The following MAFG variants were observed in gnomAD, a reference collection of about 807,000 sequenced individuals.
MAFG encodes the protein MAF bZIP transcription factor G, also known as transcription factor MafG.
In MAFG, 3 loss-of-function variants were observed where a neutral mutation model predicts 12.2. That is an observed-to-expected ratio of 0.25 (90% confidence interval 0.11 to 0.64). The LOEUF (loss-of-function observed/expected upper bound fraction) is 0.64, where lower values mean the gene tolerates loss of function less well. Among genes scored for constraint, MAFG ranks in the 30% least tolerant of loss-of-function variants. MAFG has a pLI of 0.85. For synonymous variants in MAFG, 126 were observed against 109.1 expected (o/e 1.15, Z -0.96); for missense variants, 153 against 235.5 (o/e 0.65, Z 2.29).
chr17:81,930,132 T>G (rs2040974251), upstream of MAFG: 1 of 152,414 alleles, frequency 6.6e-6, no homozygotes, highest in Non-Finnish European at 1.5e-5. The surrounding 1 kb of genome is among the most constrained non-coding windows in gnomAD (Gnocchi z 4.1). Flanking sequence ...GGTGCTAGCG[T>G]CCACACCCAG....
intron 1 of MAFG, 77 bp downstream of exon 1, chr17:81,927,451 C>T (rs1467974862): frequency 1.3e-5 from 2 of 148,430 alleles, no homozygotes; most frequent in Admixed American, 6.7e-5. Flanking sequence ...GGAGCCCTGC[C>T]TGCGCGCCCC....
At chr17:81,923,105 TG>T (rs2040909043) in intron 2 of MAFG, 44 bp downstream of exon 2, 1 of 1,610,934 alleles carries the variant, frequency 6.2e-7, no homozygotes, top group South Asian at 1.1e-5. Flanking sequence ...ACGCCCACTG[TG>T]CCCCCCGACC....
In MAFG at chr17:81,923,257, G is replaced by A. The variant is rs1293129178; in HGVS notation, c.-29-43C>T. On this transcript the variant is annotated intron_variant, in intron 1 of 2. Transcript: ENST00000357736. ...GGTCAGTACCCTGGAGACCACCCTC[G>A]CCGCACCCCCCCCCCCCCGCCCCCG... is the stretch of plus-strand genomic sequence containing the variant. The A allele has an allele frequency of 3.1e-5, 17 of 544,498 alleles. No homozygotes were observed. The African/African-American group carries it at 4.8e-4, about 15-fold the overall frequency. The allele number at this position is 544,498 out of a possible 1,614,324, so 33.7% of individuals were successfully genotyped here.
intron 1 of MAFG, among the ~76,000 whole-genome samples, chr17:81,925,232 G>A (rs1306578288): frequency 2.0e-5 from 3 of 152,212 alleles, no homozygotes; most frequent in East Asian, 3.9e-4. Context: ...CCCACCTCAC[G>A]CAGGAGGCAC....
chr17:81,927,387 C>G (rs892249774), intron 1 of MAFG, 141 bp downstream of exon 1: 1 of 151,392 alleles, frequency 6.6e-6, no homozygotes, highest in Admixed American at 6.6e-5. Context: ...CGCGGCAGAC[C>G]CGAAACCAGC....
At chr17:81,923,484 C>A in intron 1 of MAFG, 1 of 375,420 alleles carries the variant, frequency 2.7e-6, no homozygotes, top group Non-Finnish European at 4.8e-6. Flanking sequence ...GTTAGGAAGG[C>A]AGGCGCAAGA....
chr17:81,922,168 C>T lies in MAFG; in HGVS notation c.*437G>A, dbSNP rs2040896810. 1 of 153,344 alleles carries T rather than the reference C, an allele frequency of 6.5e-6. No individual in the cohort carries two copies. The highest frequency in any genetic ancestry group is 1.5e-5 in the Non-Finnish European group (1 of 68,860). 9.5% of individuals were successfully genotyped at this position (153,344 alleles called of 1,614,324 possible). On this transcript the variant is annotated 3_prime_UTR_variant, in exon 3 of 3. Coordinates refer to ENST00000357736, the MANE Select transcript of MAFG (RefSeq NM_002359.4). ...GCTAAGCTGAGCTGCTCCCCTGGGG[C>T]TAAAGAGAGTGAATCCTTCCCAGCC...
chr17:81,925,930 C>T (rs1424052722), intron 1 of MAFG, among the ~76,000 whole-genome samples: 5 of 150,084 alleles, frequency 3.3e-5, no homozygotes, highest in East Asian at 2.0e-4. Context: ...CTATAAGCCC[C>T]GGGGCTCACT....
Position 81,919,417 on chromosome 17 carries a change from C to A in MAFG, c.*3188G>T, listed in dbSNP as rs1457930915. On this transcript the variant is annotated 3_prime_UTR_variant, in exon 3 of 3. Transcript: ENST00000357736. Reference sequence around the variant, plus strand: ...TCTGAAACATGCACCAAGAGCTGAGCCAGCAACACCAGTGCCACCCCGAGC... The same window carrying A: ...TCTGAAACATGCACCAAGAGCTGAGACAGCAACACCAGTGCCACCCCGAGC... 2.0e-5 allele frequency: 3 copies of A among 152,370 alleles called. No homozygotes were observed. Among genetic ancestry groups the A allele is most frequent in the Admixed American group, 6.5e-5 (1 of 15,290 alleles). The allele number at this position is 152,370 out of a possible 1,614,324, so 9.4% of individuals were successfully genotyped here. A position where few individuals can be genotyped will look rare whatever the true frequency, so the allele number is the denominator to read the frequency against.
upstream of MAFG, among the ~76,000 whole-genome samples, chr17:81,928,608 G>A (rs948471910): frequency 6.6e-6 from 1 of 152,196 alleles, no homozygotes. The surrounding 1 kb of genome is among the most constrained non-coding windows in gnomAD (Gnocchi z 8.1). Context: ...CCCACAGCAC[G>A]TTGTCGCCGT....
chr17:81,922,614 G>A lies in MAFG; in HGVS notation c.480C>T (p.Ala160=). The A allele has an allele frequency of 2.0e-6, 3 of 1,470,626 alleles. No homozygotes were observed. The highest frequency in any genetic ancestry group is 1.5e-5 in the South Asian group (1 of 68,796). The allele number at this position is 1,470,626 out of a possible 1,614,324, so 91.1% of individuals were successfully genotyped here. ...VITIVKSKTD[A]RS is the part of the protein sequence containing the mutation. Reference sequence around the variant, plus strand: ...GGGCAGACGCGCGTCCCTACGATCGGGCATCCGTCTTGGACTTTACTATTG... The same window carrying A: ...GGGCAGACGCGCGTCCCTACGATCGAGCATCCGTCTTGGACTTTACTATTG... The change falls in exon 3 of 3, where the codon GCC becomes GCT. Residue 160 remains alanine (A), a synonymous_variant. Transcript: ENST00000357736.
chr17:81,927,029 G>A (rs911613160), intron 1 of MAFG, among the ~76,000 whole-genome samples: 2 of 152,250 alleles, frequency 1.3e-5, no homozygotes, highest in Admixed American at 6.5e-5. Flanking sequence ...CCCCAGCCAG[G>A]GGCAGGGTCT....
chr17:81,922,415 A>G lies in MAFG; in HGVS notation c.*190T>C. On this transcript the variant is annotated 3_prime_UTR_variant, in exon 3 of 3. Transcript: ENST00000357736. The stretch of plus-strand genomic sequence containing the variant: ...TGACCAATCCCAACATACAAAACAC[A>G]CGACGACAATGACGAGATCAAAGGG... 2.1e-6 allele frequency: 1 copy of G among 472,682 alleles called. No individual in the cohort carries two copies. The highest frequency in any genetic ancestry group is 3.6e-6 in the Non-Finnish European group (1 of 274,448). The allele number at this position is 472,682 out of a possible 1,614,324, so 29.3% of individuals were successfully genotyped here.
At chr17:81,923,270 C>CCT (rs1555620262) in intron 1 of MAFG, 56 bp from the exon 2 acceptor site, 4 of 957,894 alleles carry the variant, frequency 4.2e-6, no homozygotes, top group Admixed American at 4.5e-5. Context: ...GCACCCCCCC[C>CCT]CCCCCGCCCC....
chr17:81,929,093 T>A (rs1222850093), upstream of MAFG, among the ~76,000 whole-genome samples: 1 of 152,120 alleles, frequency 6.6e-6, no homozygotes, highest in Non-Finnish European at 1.5e-5. This position sits in a 1 kb window ranked among gnomAD's most constrained non-coding sequence, Gnocchi z 5.7. Context: ...GGGCAGACGC[T>A]CACCAGGCTG....
rs1178401778 is a variant in MAFG, at chr17:81,923,275, C to CT, written c.-29-62_-29-61insA. On this transcript the variant is annotated intron_variant, in intron 1 of 2. Coordinates refer to ENST00000357736, the MANE Select transcript of MAFG (RefSeq NM_002359.4). ...CACCCTCGCCGCACCCCCCCCCCCC[C>CT]GCCCCCGGCCCAGTTCACAAGAGCC... 602 of 966,536 alleles carry CT rather than the reference C, an allele frequency of 6.2e-4. 1 individual carries two copies. Among genetic ancestry groups the CT allele is most frequent in the Non-Finnish European group, 7.1e-4 (517 of 726,188 alleles). 59.9% of individuals were successfully genotyped at this position (966,536 alleles called of 1,614,324 possible).
At chr17:81,925,021 C>CGG (rs753098648) in intron 1 of MAFG, among the ~76,000 whole-genome samples, 2 of 152,198 alleles carry the variant, frequency 1.3e-5, no homozygotes, top group Non-Finnish European at 2.9e-5. Context: ...AAAGGTGCGC[C>CGG]GGGGGGTGGG....
chr17:81,923,001 G>A lies in MAFG; in HGVS notation c.93C>T (p.Thr31=). 6.3e-7 allele frequency: 1 copy of A among 1,597,904 alleles called. No homozygotes were observed. Among genetic ancestry groups the A allele is most frequent in the South Asian group, 1.1e-5 (1 of 89,080 alleles). Residue 31 remains threonine, a synonymous_variant, in exon 3 of 3, where the codon ACC becomes ACT. Coordinates refer to ENST00000357736, the MANE Select transcript of MAFG (RefSeq NM_002359.4). ...GCTGGTTCAGCTCCCGCACCGACATGGTCACCAGCTCCTCATCCGTCAGGC... is the reference window on the plus strand; with the variant it reads ...GCTGGTTCAGCTCCCGCACCGACATAGTCACCAGCTCCTCATCCGTCAGGC... ...GTSLTDEELV[T]MSVRELNQHL...
rs2040904902 is a variant in MAFG at position 81,922,775 on chromosome 17, G to A, written c.319C>T (p.Leu107=). 1.3e-6 allele frequency: 2 copies of A among 1,597,802 alleles called. No individual in the cohort carries two copies. Among genetic ancestry groups the A allele is most frequent in the Non-Finnish European group, 1.7e-6 (2 of 1,172,284 alleles). Residue 107 remains leucine, a synonymous_variant, in exon 3 of 3, where the codon CTG becomes TTG. Transcript: ENST00000357736. ...TGCAGCGCCTCGTACTTGGAGCGCA[G>A]CGCGTCGAGCTCCAGCTTCATGCTG... ...NASMKLELDA[L]RSKYEALQTF... is the part of the protein sequence containing the mutation.
Sources: gnomAD v4.1 joint callset for allele counts (sites outside exome capture counted in the v4.1 genomes callset) on GRCh38, gnomAD v4.1.1 for gene constraint, Gnocchi (gnomAD v3.1) non-coding constraint, MANE v1.5 for transcripts, NCBI Gene and HGNC (gene_info 2026-07-23, HGNC 2026-07-21) for gene names.